DYM: variants seen among roughly 807,000 people sequenced by gnomAD.
The protein encoded by DYM is dymeclin.
In DYM, 78 loss-of-function variants were observed where a neutral mutation model predicts 93.1. That is an observed-to-expected ratio of 0.84 (90% CI 0.70 to 1.01). DYM has a LOEUF of 1.01. Among genes scored for constraint, DYM ranks in the 50% least tolerant of loss-of-function variants. The probability of loss-of-function intolerance (pLI) is 0.00; values close to 1 mark genes in which losing one functional copy is unlikely to be tolerated. For missense variants in DYM, 789 were observed against 845.0 expected (o/e 0.93, Z 0.82); for synonymous variants, 321 against 319.7 (o/e 1.00, Z -0.04).
At chr18:49,167,946 T>G (rs1028152095) in intron 14 of DYM, among the ~76,000 whole-genome samples, 3 of 152,154 alleles carry the variant, frequency 2.0e-5, no homozygotes, top group Non-Finnish European at 4.4e-5. Flanking sequence ...GGAAATATTA[T>G]ACAGCAATTT....
chr18:49,143,564 T>C (rs1222279874), intron 15 of DYM, among the ~76,000 whole-genome samples: 1 of 152,132 alleles, frequency 6.6e-6, no homozygotes. Flanking sequence ...AAACCAAATA[T>C]CAGAGAGGTT....
chr18:49,439,010 A>G (rs2081092238), intron 1 of DYM, among the ~76,000 whole-genome samples: 1 of 152,210 alleles, frequency 6.6e-6, no homozygotes, highest in South Asian at 2.1e-4. Flanking sequence ...GGGCATCATT[A>G]GACTCCCTTG....
intron 8 of DYM, among the ~76,000 whole-genome samples, chr18:49,322,536 C>T (rs1317845762): frequency 1.3e-5 from 2 of 151,930 alleles, no homozygotes; most frequent in African/African-American, 4.8e-5. Context: ...CAACTTATTT[C>T]ACCTCATGGT....
chr18:49,441,262 TTATATA>T (rs1568454535), intron 1 of DYM, among the ~76,000 whole-genome samples: 3 of 34,206 alleles, frequency 8.8e-5, no homozygotes, highest in East Asian at 2.7e-3. Context: ...TTATATATAA[TTATATA>T]ATATATATTA....
intron 1 of DYM, among the ~76,000 whole-genome samples, chr18:49,433,503 T>C (rs2080524333): frequency 6.6e-6 from 1 of 152,170 alleles, no homozygotes; most frequent in Admixed American, 6.5e-5. Flanking sequence ...TGCTAAACCT[T>C]CATCTTCCAT....
At chr18:49,274,279 G>A (rs1007756571) in intron 10 of DYM, among the ~76,000 whole-genome samples, 1 of 152,040 alleles carries the variant, frequency 6.6e-6, no homozygotes, top group Non-Finnish European at 1.5e-5. Context: ...TTCTTTCACT[G>A]AACATGTTAC....
At chr18:49,080,441 C>T (rs2077807633) in intron 17 of DYM, among the ~76,000 whole-genome samples, 1 of 136,318 alleles carries the variant, frequency 7.3e-6, no homozygotes, top group Non-Finnish European at 1.6e-5. Flanking sequence ...AGGGGCTCCT[C>T]ACTTCCCAGT....
chr18:49,099,524 A>G (rs2079910184), intron 16 of DYM, among the ~76,000 whole-genome samples: 1 of 152,226 alleles, frequency 6.6e-6, no homozygotes, highest in Admixed American at 6.5e-5. Context: ...ATCATGCAAT[A>G]TACTACAGCA....
At chr18:49,155,317 C>T (rs1440655109) in intron 15 of DYM, among the ~76,000 whole-genome samples, 1 of 152,204 alleles carries the variant, frequency 6.6e-6, no homozygotes, top group Non-Finnish European at 1.5e-5. Flanking sequence ...TACTAGTACA[C>T]ACACCCAACA....
intron 1 of DYM, among the ~76,000 whole-genome samples, chr18:49,436,873 G>A (rs1024003830): frequency 6.6e-6 from 1 of 152,114 alleles, no homozygotes; most frequent in African/African-American, 2.4e-5. Flanking sequence ...CAGTTAAATA[G>A]ACCAGTATCT....
chr18:49,080,638 G>T (rs529229782), intron 17 of DYM, among the ~76,000 whole-genome samples: 3 of 147,136 alleles, frequency 2.0e-5, no homozygotes, highest in East Asian at 2.1e-4. Flanking sequence ...CGGGCGGGGG[G>T]CTGACCCCCC....
intron 5 of DYM, among the ~76,000 whole-genome samples, chr18:49,363,440 C>G (rs1053527084): frequency 3.3e-5 from 5 of 152,174 alleles, no homozygotes; most frequent in Admixed American, 1.3e-4. Flanking sequence ...CTTTCAACAC[C>G]TGCTGTTAAT....
intron 17 of DYM, among the ~76,000 whole-genome samples, chr18:49,050,956 A>G (rs750444688): frequency 1.3e-5 from 2 of 152,232 alleles, no homozygotes; most frequent in Non-Finnish European, 2.9e-5. Context: ...AAATCTGCAC[A>G]AAAATCCTGT....
intron 9 of DYM, 56 bp downstream of exon 9, chr18:49,286,378 A>C: frequency 3.2e-6 from 5 of 1,575,872 alleles, no homozygotes; most frequent in Non-Finnish European, 4.4e-6. Context: ...TAAACAATAT[A>C]GAACAAGCAA....
intron 14 of DYM, among the ~76,000 whole-genome samples, chr18:49,195,473 A>G (rs916967286): frequency 1.3e-5 from 2 of 152,166 alleles, no homozygotes; most frequent in African/African-American, 4.8e-5. Context: ...TTTACCCTTC[A>G]GTACCACAGA....
At chr18:49,258,546 G>A in intron 11 of DYM, 53 bp from the exon 12 acceptor site, 1 of 1,132,336 alleles carries the variant, frequency 8.8e-7, no homozygotes, top group Admixed American at 1.8e-5. Context: ...ACAGACAAAA[G>A]AATTACTCCA....
intron 17 of DYM, among the ~76,000 whole-genome samples, chr18:49,062,607 T>A (rs2076074310): frequency 6.6e-6 from 1 of 152,240 alleles, no homozygotes; most frequent in Non-Finnish European, 1.5e-5. Flanking sequence ...TGCCCAGCCC[T>A]GACTGCCATG....
chr18:49,112,945 A>G (rs1370921972), intron 16 of DYM, among the ~76,000 whole-genome samples: 1 of 151,912 alleles, frequency 6.6e-6, no homozygotes, highest in Admixed American at 6.6e-5. Flanking sequence ...TTAAATCTGC[A>G]ATCTCCTACC....
chr18:49,294,586 A>C (rs541124165), intron 8 of DYM, among the ~76,000 whole-genome samples: 1 of 152,340 alleles, frequency 6.6e-6, no homozygotes, highest in South Asian at 2.1e-4. Flanking sequence ...ATAAAGTATG[A>C]AACATCAATA....
Sources: allele counts gnomAD v4.1 joint callset (sites outside exome capture counted in the v4.1 genomes callset), GRCh38; gene constraint gnomAD v4.1.1; transcripts MANE v1.5; gene names NCBI Gene and HGNC (gene_info 2026-07-23, HGNC 2026-07-21).